STK31: variants seen among roughly 807,000 people sequenced by gnomAD.
STK31 encodes the protein serine/threonine kinase 31.
STK31 carries 89 observed loss-of-function variants against 129.7 expected under a neutral mutation model. The observed-to-expected ratio is 0.69, with a 90% CI of 0.58 to 0.82. The LOEUF (loss-of-function observed/expected upper bound fraction) is 0.82. Ranked by LOEUF, STK31 falls within the 40% of genes least tolerant of loss-of-function variation. The probability of loss-of-function intolerance (pLI) is 0.00; values close to 1 mark genes in which losing one functional copy is unlikely to be tolerated. For synonymous variants in STK31, 448 were observed against 395.3 expected (o/e 1.13, Z -1.58); for missense variants, 1,187 against 1,176.4 (o/e 1.01, Z -0.13).
At chr7:23,759,217 T>G in intron 10 of STK31, among the ~76,000 whole-genome samples, 1 of 152,118 alleles carries the variant, frequency 6.6e-6, no homozygotes, top group East Asian at 1.9e-4. Flanking sequence ...CAGTATTAGA[T>G]CAACGAGACA....
chr7:23,740,730 G>C (rs1788008071), intron 8 of STK31, among the ~76,000 whole-genome samples: 1 of 152,036 alleles, frequency 6.6e-6, no homozygotes, highest in African/African-American at 2.4e-5. Context: ...CCACCTATGA[G>C]TGAGAACATG....
intron 15 of STK31, 122 bp downstream of exon 15, chr7:23,772,400 GT>G: frequency 2.0e-6 from 2 of 1,020,764 alleles, no homozygotes; most frequent in Non-Finnish European, 2.8e-6. Flanking sequence ...TTCACATTTT[GT>G]TTTATATACT....
intron 1 of STK31, among the ~76,000 whole-genome samples, chr7:23,711,009 A>G (rs1785920983): frequency 6.6e-6 from 1 of 152,168 alleles, no homozygotes. Flanking sequence ...CTTACGAAAA[A>G]TTTTTTTAAA....
chr7:23,827,716 T>G (rs1205417712), intron 23 of STK31, among the ~76,000 whole-genome samples: 1 of 152,198 alleles, frequency 6.6e-6, no homozygotes, highest in Non-Finnish European at 1.5e-5. Flanking sequence ...TTTCCCCATC[T>G]TTGTGGTTTT....
chr7:23,733,137 A>G (rs1250775994), intron 6 of STK31, among the ~76,000 whole-genome samples: 1 of 152,124 alleles, frequency 6.6e-6, no homozygotes, highest in Admixed American at 6.5e-5. Flanking sequence ...ATGCCTTGGA[A>G]AATTTATAAA....
chr7:23,723,352 C>G (rs1357557413), intron 4 of STK31, among the ~76,000 whole-genome samples: 3 of 152,122 alleles, frequency 2.0e-5, no homozygotes, highest in Admixed American at 2.0e-4. Context: ...GAGACTATGT[C>G]TATAAAAATT....
intron 8 of STK31, among the ~76,000 whole-genome samples, chr7:23,742,383 A>G (rs1788099858): frequency 6.6e-6 from 1 of 152,350 alleles, no homozygotes; most frequent in South Asian, 2.1e-4. Context: ...GGAGCAGTAC[A>G]GTGGCTGCAG....
intron 23 of STK31, among the ~76,000 whole-genome samples, 172 bp downstream of exon 23, chr7:23,815,384 C>T (rs1793408216): frequency 6.6e-6 from 1 of 152,018 alleles, no homozygotes; most frequent in Non-Finnish European, 1.5e-5. Flanking sequence ...AATTAATACA[C>T]CAGGGTTACT....
rs576960050 is a variant in STK31, at chr7:23,799,486, C to A, written c.2760+8540C>A. ...CTTTGACAAACCTGACAGAAGCAAG[C>A]AATGGGGAAAGGATTCCCTATTTAA... On this transcript the variant is annotated intron_variant, in intron 22 of 23. Transcript: ENST00000355870. Among the ~76,000 whole-genome samples, 949 of 152,230 alleles carry A rather than the reference C, an allele frequency of 6.2e-3. 7 individuals are homozygous for A. The highest frequency in any genetic ancestry group is 8.2e-3 in the Non-Finnish European group (557 of 68,014).
At chr7:23,776,822 C>G (rs13309676) in intron 15 of STK31, among the ~76,000 whole-genome samples, 1 of 151,978 alleles carries the variant, frequency 6.6e-6, no homozygotes, top group South Asian at 2.1e-4. Flanking sequence ...TCTATCTCCT[C>G]CAGTTCTGCC....
In STK31 at chr7:23,818,115, T is replaced by C. The variant is rs58918954; in HGVS notation, c.2829+2903T>C. ...TAATTGTCTTAAATATATTTTTAAA[T>C]GGTTGCTTTTTTGAAATTAGCATAT... On this transcript the variant is annotated intron_variant, in intron 23 of 23. Coordinates refer to ENST00000355870, the MANE Select transcript of STK31 (RefSeq NM_031414.5). Among the ~76,000 whole-genome samples the C allele has an allele frequency of 5.4e-3, 822 of 152,228 alleles. 6 individuals carry two copies. The highest frequency in any genetic ancestry group is 0.019 in the African/African-American group (780 of 41,550).
chr7:23,723,187 G>A (rs62468592), intron 4 of STK31, among the ~76,000 whole-genome samples: 38,989 of 151,988 alleles, frequency 0.26, 5,364 homozygotes, highest in East Asian at 0.4. Flanking sequence ...GTTCCTATTC[G>A]GCCATCTTGG....
intron 1 of STK31, among the ~76,000 whole-genome samples, chr7:23,711,071 TGAG>T (rs1452252948): frequency 9.8e-5 from 15 of 152,342 alleles, no homozygotes; most frequent in East Asian, 3.9e-4. Context: ...TTTTCTGTGA[TGAG>T]GAGTTAATGT....
At chr7:23,741,965 C>A (rs765519476) in intron 8 of STK31, among the ~76,000 whole-genome samples, 2 of 152,198 alleles carry the variant, frequency 1.3e-5, no homozygotes, top group Non-Finnish European at 2.9e-5. Context: ...TTGGCCTGTG[C>A]CCTGGGATAC....
chr7:23,827,466 C>G (rs1417142287), intron 23 of STK31, among the ~76,000 whole-genome samples: 4 of 152,086 alleles, frequency 2.6e-5, no homozygotes, highest in African/African-American at 7.2e-5. Context: ...TTAAGGACTT[C>G]TCTGCATTGG....
At chr7:23,752,549 C>G (rs566263084) in intron 8 of STK31, among the ~76,000 whole-genome samples, 168 bp from the exon 9 acceptor site, 3 of 152,268 alleles carry the variant, frequency 2.0e-5, no homozygotes, top group Admixed American at 2.0e-4. Context: ...CCACATTGTC[C>G]AGGCTGGTCT....
intron 23 of STK31, among the ~76,000 whole-genome samples, chr7:23,830,799 T>C (rs1250269136): frequency 2.0e-5 from 3 of 152,168 alleles, no homozygotes; most frequent in African/African-American, 7.2e-5. Flanking sequence ...TTTGTATTTT[T>C]AGTAGAGACG....
At chr7:23,715,418 G>GC (rs1786248717) in intron 3 of STK31, among the ~76,000 whole-genome samples, 1 of 147,264 alleles carries the variant, frequency 6.8e-6, no homozygotes. Flanking sequence ...AGGAGTTTGA[G>GC]ACCAGCCTTG....
At chr7:23,816,215 CAAA>C (rs1793464423) in intron 23 of STK31, among the ~76,000 whole-genome samples, 1 of 151,910 alleles carries the variant, frequency 6.6e-6, no homozygotes, top group Non-Finnish European at 1.5e-5. Context: ...AAGGGGATAA[CAAA>C]GAAGGTTGAC....
Sources: gnomAD v4.1 joint callset for allele counts (sites outside exome capture counted in the v4.1 genomes callset) on GRCh38, gnomAD v4.1.1 for gene constraint, MANE v1.5 for transcripts, NCBI Gene and HGNC (gene_info 2026-07-23, HGNC 2026-07-21) for gene names.